RBM47: variants seen among roughly 807,000 people sequenced by gnomAD.
RBM47 encodes RNA binding motif protein 47.
Under a neutral mutation model 47.1 loss-of-function variants are expected in RBM47, and 21 were observed. That is an observed-to-expected ratio of 0.45 (90% CI 0.32 to 0.64). The LOEUF (loss-of-function observed/expected upper bound fraction) is 0.64, where lower values mean the gene tolerates loss of function less well. Ranked by LOEUF, RBM47 falls within the 30% of genes least tolerant of loss-of-function variation. RBM47 has a pLI of 0.05. For synonymous variants in RBM47, 375 were observed against 361.7 expected, an observed-to-expected ratio of 1.04 and a Z score of -0.42; for missense variants, 708 against 870.9, an observed-to-expected ratio of 0.81 and a Z score of 2.35.
At chr4:40,540,606 C>G (rs1465825145) in intron 2 of RBM47, among the ~76,000 whole-genome samples, 1 of 147,212 alleles carries the variant, frequency 6.8e-6, no homozygotes, top group Non-Finnish European at 1.5e-5. Flanking sequence ...GCCATTGACT[C>G]CAGCCTAGGT....
chr4:40,569,360 G>C (rs957311500), intron 1 of RBM47, among the ~76,000 whole-genome samples: 1 of 151,650 alleles, frequency 6.6e-6, no homozygotes, highest in Non-Finnish European at 1.5e-5. Context: ...AGAGTAGAAC[G>C]AGAGCATCAG....
At chr4:40,619,560 G>A (rs1737064372) in intron 1 of RBM47, among the ~76,000 whole-genome samples, 1 of 152,090 alleles carries the variant, frequency 6.6e-6, no homozygotes, top group Non-Finnish European at 1.5e-5. Context: ...TCCTTGCTGG[G>A]CACTTTGCAC....
At chr4:40,532,331 T>TTTTA (rs71196878) in intron 2 of RBM47, among the ~76,000 whole-genome samples, 1 of 111,262 alleles carries the variant, frequency 9.0e-6, no homozygotes, top group African/African-American at 4.3e-5. Context: ...TTTTTTTTTT[T>TTTTA]GAGATGGAGT....
intron 1 of RBM47, among the ~76,000 whole-genome samples, chr4:40,592,965 ATATATATATATATATTTTTT>A (rs1734343756): frequency 6.3e-5 from 1 of 15,806 alleles, no homozygotes; most frequent in African/African-American, 2.6e-4. Context: ...ATATATATAT[ATATATATATATATATTTTTT>A]TTTTTTTTTT....
At chr4:40,506,684 C>T (rs981162253) in intron 2 of RBM47, among the ~76,000 whole-genome samples, 7 of 152,180 alleles carry the variant, frequency 4.6e-5, no homozygotes, top group African/African-American at 1.7e-4. Context: ...TGAGACCATC[C>T]TGAGTGCCAG....
chr4:40,554,068 G>A (rs955985935), intron 1 of RBM47, among the ~76,000 whole-genome samples: 4 of 151,572 alleles, frequency 2.6e-5, no homozygotes, highest in Non-Finnish European at 4.4e-5. Flanking sequence ...GCACAGTCCC[G>A]TATTCATCTC....
intron 1 of RBM47, among the ~76,000 whole-genome samples, chr4:40,547,982 C>T (rs1399571439): frequency 6.6e-6 from 1 of 152,202 alleles, no homozygotes; most frequent in Non-Finnish European, 1.5e-5. Flanking sequence ...GATAGTGAGT[C>T]CAGGTGCTGA....
At chr4:40,558,905 A>C (rs1373328278) in intron 1 of RBM47, among the ~76,000 whole-genome samples, 1 of 151,854 alleles carries the variant, frequency 6.6e-6, no homozygotes, top group Non-Finnish European at 1.5e-5. Flanking sequence ...GAGGTAGAAG[A>C]ATCACTTGAA....
At chr4:40,609,369 G>A (rs1256767002) in intron 1 of RBM47, among the ~76,000 whole-genome samples, 8 of 150,094 alleles carry the variant, frequency 5.3e-5, no homozygotes, top group Non-Finnish European at 1.2e-4. Flanking sequence ...TTGGAGTGCA[G>A]TGCCACAATC....
chr4:40,592,959 A>G (rs1341693602), intron 1 of RBM47, among the ~76,000 whole-genome samples: 323 of 17,360 alleles, frequency 0.019, 3 homozygotes, highest in Non-Finnish European at 0.03. Context: ...ATATATATAT[A>G]TATATATATA....
intron 6 of RBM47, 118 bp downstream of exon 6, chr4:40,432,533 A>G: frequency 6.6e-7 from 1 of 1,521,622 alleles, no homozygotes. Flanking sequence ...GTGTCACCCA[A>G]CCATAGCTGT....
intron 2 of RBM47, among the ~76,000 whole-genome samples, chr4:40,482,317 G>C (rs887022364): frequency 7.9e-5 from 12 of 151,940 alleles, no homozygotes; most frequent in Admixed American, 2.6e-4. Context: ...ACAGTGGCGC[G>C]ATCTCAGCTC....
intron 1 of RBM47, among the ~76,000 whole-genome samples, chr4:40,616,484 G>A (rs1736746712): frequency 6.6e-6 from 1 of 151,866 alleles, no homozygotes; most frequent in African/African-American, 2.4e-5. Flanking sequence ...TTGGGAGGTT[G>A]TAGTGTGGCG....
intron 6 of RBM47, among the ~76,000 whole-genome samples, chr4:40,430,205 C>T (rs1577594065): frequency 7.8e-6 from 1 of 127,548 alleles, no homozygotes; most frequent in South Asian, 2.5e-4. Flanking sequence ...AAAAAACAAA[C>T]AAACAAACAA....
rs1199570044 is a variant in RBM47 at position 40,616,944 on chromosome 4, T to C, written c.-240+12452A>G. On this transcript the variant is annotated intron_variant, in intron 1 of 6. Transcript: ENST00000295971. ...AGGCTGGAGTGCAGTGGCGCGATCT[T>C]GGCTCACTGCAACCTCCGCCTCCCA... 2.7e-5 allele frequency among the ~76,000 whole-genome samples: 4 copies of C among 149,718 alleles called. No individual in the cohort carries two copies. The South Asian group carries it at 6.4e-4, about 24-fold the overall frequency.
intron 2 of RBM47, among the ~76,000 whole-genome samples, chr4:40,513,400 G>C (rs1375938861): frequency 6.6e-6 from 1 of 152,132 alleles, no homozygotes; most frequent in Non-Finnish European, 1.5e-5. Context: ...GGCAATTGTA[G>C]AAATCTGTTG....
At chr4:40,477,289 A>G (rs1719755563) in intron 2 of RBM47, among the ~76,000 whole-genome samples, 1 of 152,246 alleles carries the variant, frequency 6.6e-6, no homozygotes, top group African/African-American at 2.4e-5. Context: ...CCTAGATAGA[A>G]TAATAGCTAT....
At chr4:40,588,992 C>CT (rs34195998) in intron 1 of RBM47, among the ~76,000 whole-genome samples, 2,005 of 79,510 alleles carry the variant, frequency 0.025, 224 homozygotes, top group Non-Finnish European at 0.032. Flanking sequence ...TAAAGCGTTT[C>CT]TTTTTTTTTT....
intron 1 of RBM47, among the ~76,000 whole-genome samples, chr4:40,575,810 T>C (rs1732243317): frequency 6.6e-6 from 1 of 152,182 alleles, no homozygotes; most frequent in East Asian, 1.9e-4. Context: ...GAATTTTCTC[T>C]CTTTTGAAGA....
Sources: gnomAD v4.1 joint callset for allele counts (sites outside exome capture counted in the v4.1 genomes callset) on GRCh38, gnomAD v4.1.1 for gene constraint, MANE v1.5 for transcripts, NCBI Gene and HGNC (gene_info 2026-07-23, HGNC 2026-07-21) for gene names.